Variants in LIMCH1 observed in about 807,000 individuals in gnomAD.
LIMCH1 encodes LIM and calponin homology domains 1.
In LIMCH1, 113 loss-of-function variants were observed where a neutral mutation model predicts 176.5. That is an observed-to-expected ratio of 0.64 (90% CI 0.55 to 0.75). LIMCH1 has a LOEUF of 0.75. Among genes scored for constraint, LIMCH1 ranks in the 30% least tolerant of loss-of-function variants. The pLI, the probability that LIMCH1 is intolerant of heterozygous loss-of-function variation, is 0.00. For missense variants in LIMCH1, 1,674 were observed against 1,814.9 expected (o/e 0.92, Z 1.41); for synonymous variants, 619 against 645.9 (o/e 0.96, Z 0.63).
In LIMCH1 at chr4:41,550,376, G is replaced by T. The variant is rs190312466; in HGVS notation, c.-241+12026G>T. 9.0e-4 allele frequency among the ~76,000 whole-genome samples: 136 copies of T among 151,880 alleles called. No individual in the cohort carries two copies. In the East Asian group the frequency reaches 0.019, roughly 21 times the overall value. ...CCTTTAGCTCATTTTATTCTCCTAG[G>T]TATTTAAAAAATGAGCCTTCTACTT... On this transcript the variant is annotated intron_variant, in intron 1 of 31. Transcript: ENST00000503057.
intron 3 of LIMCH1, among the ~76,000 whole-genome samples, chr4:41,604,742 C>A (rs1040035916): frequency 1.3e-5 from 2 of 152,052 alleles, no homozygotes; most frequent in African/African-American, 4.8e-5. Context: ...AATGTCCTGA[C>A]GTTTGAATCT....
At chr4:41,598,115 C>T (rs1252011113) in intron 1 of LIMCH1, among the ~76,000 whole-genome samples, 1 of 152,146 alleles carries the variant, frequency 6.6e-6, no homozygotes, top group East Asian at 1.9e-4. Context: ...AGGAAGAGAA[C>T]AGTTAGAGAC....
chr4:41,535,679 G>C (rs7694739), upstream of LIMCH1, among the ~76,000 whole-genome samples: 1 of 152,152 alleles, frequency 6.6e-6, no homozygotes, highest in Admixed American at 6.5e-5. Flanking sequence ...AATTTAGCTC[G>C]TAACAGTGGG....
intron 17 of LIMCH1, among the ~76,000 whole-genome samples, chr4:41,650,024 T>C (rs1375032019): frequency 2.0e-5 from 3 of 152,188 alleles, no homozygotes; most frequent in African/African-American, 7.2e-5. Flanking sequence ...CAGTCAAGGT[T>C]GTGGAATAGC....
intron 1 of LIMCH1, among the ~76,000 whole-genome samples, chr4:41,598,206 T>C (rs1365419233): frequency 6.6e-6 from 1 of 152,158 alleles, no homozygotes; most frequent in African/African-American, 2.4e-5. Context: ...TCAGAAGCAT[T>C]TGTTTGTACT....
intron 1 of LIMCH1, among the ~76,000 whole-genome samples, chr4:41,577,736 AT>A (rs1218537317): frequency 2.0e-5 from 3 of 152,146 alleles, no homozygotes; most frequent in Admixed American, 6.5e-5. Flanking sequence ...GCCACAAGTG[AT>A]TTTTTTTATA....
At chr4:41,421,166 T>A (rs1307837732) in intron 1 of LIMCH1, among the ~76,000 whole-genome samples, 1 of 152,182 alleles carries the variant, frequency 6.6e-6, no homozygotes, top group Non-Finnish European at 1.5e-5. Context: ...AGCAGTGAGA[T>A]CCTGGTTAAC....
In LIMCH1 at chr4:41,661,400, G is replaced by GA. The variant is rs530308078; in HGVS notation, c.3037-13dup. 1.5e-3 allele frequency: 2,250 copies of GA among 1,536,038 alleles called. 6 individuals are homozygous for GA. The highest frequency in any genetic ancestry group is 3.7e-3 in the South Asian group (323 of 88,326). On this transcript the variant is annotated intron_variant, in intron 18 of 31. Coordinates refer to ENST00000503057, the MANE Select transcript of LIMCH1 (RefSeq NM_001330672.2). ...TTAAAGGAATCATTTATTCAAGGGG[G>GA]AAAAAAATCTCTTTTTCAGGCAACC...
chr4:41,517,202 A>T (rs1449739579), intron 2 of LIMCH1, among the ~76,000 whole-genome samples: 3 of 152,116 alleles, frequency 2.0e-5, no homozygotes, highest in Non-Finnish European at 4.4e-5. Flanking sequence ...GAGAGAATGG[A>T]GAATTGTTTG....
chr4:41,590,150 T>G (rs1469662203), intron 1 of LIMCH1, among the ~76,000 whole-genome samples: 1 of 152,036 alleles, frequency 6.6e-6, no homozygotes, highest in Non-Finnish European at 1.5e-5. Context: ...TGGAGTGTAG[T>G]GGCACAATCA....
At chr4:41,507,635 A>G (rs932857104) in intron 2 of LIMCH1, among the ~76,000 whole-genome samples, 1 of 152,234 alleles carries the variant, frequency 6.6e-6, no homozygotes, top group Non-Finnish European at 1.5e-5. Flanking sequence ...ATTTCTTAAT[A>G]TAATTCACAG....
At chr4:41,481,670 C>G (rs2068656952) in intron 1 of LIMCH1, among the ~76,000 whole-genome samples, 1 of 151,238 alleles carries the variant, frequency 6.6e-6, no homozygotes, top group African/African-American at 2.4e-5. Flanking sequence ...AAAGGACAGA[C>G]CTGAAATATA....
At chr4:41,580,843 T>C (rs2085290214) in intron 1 of LIMCH1, among the ~76,000 whole-genome samples, 1 of 152,118 alleles carries the variant, frequency 6.6e-6, no homozygotes, top group Non-Finnish European at 1.5e-5. Flanking sequence ...AACCAATAAA[T>C]AGAAGATAAG....
chr4:41,642,281 G>A (rs2093854682), intron 14 of LIMCH1, among the ~76,000 whole-genome samples: 1 of 151,626 alleles, frequency 6.6e-6, no homozygotes, highest in Non-Finnish European at 1.5e-5. Context: ...CTTAAAAGAT[G>A]AACTGACTAG....
chr4:41,535,226 A>T (rs2077773732), upstream of LIMCH1, among the ~76,000 whole-genome samples: 1 of 151,534 alleles, frequency 6.6e-6, no homozygotes, highest in African/African-American at 2.4e-5. Context: ...CAATTCATTG[A>T]GATATCATAT....
At chr4:41,586,176 T>G (rs1295144787) in intron 1 of LIMCH1, among the ~76,000 whole-genome samples, 2 of 148,354 alleles carry the variant, frequency 1.3e-5, no homozygotes, top group East Asian at 4.2e-4. Flanking sequence ...TAGCGTGATC[T>G]CAGCTCACTG....
intron 31 of LIMCH1, among the ~76,000 whole-genome samples, chr4:41,695,861 T>A (rs1240108318): frequency 6.6e-6 from 1 of 152,046 alleles, no homozygotes. Flanking sequence ...TTGAGAAGTA[T>A]AAATATGCTT....
chr4:41,546,542 A>G (rs927793091), intron 1 of LIMCH1, among the ~76,000 whole-genome samples: 1 of 151,600 alleles, frequency 6.6e-6, no homozygotes, highest in African/African-American at 2.4e-5. Flanking sequence ...TTTTTTCTCA[A>G]CTTTCTTCTT....
chr4:41,524,604 TC>T, intron 3 of LIMCH1: 1 of 731,140 alleles, frequency 1.4e-6, no homozygotes. Context: ...ACGCATTGAA[TC>T]CATTAAACGA....
Sources: gnomAD v4.1 joint callset for allele counts (sites outside exome capture counted in the v4.1 genomes callset) on GRCh38, gnomAD v4.1.1 for gene constraint, MANE v1.5 for transcripts, NCBI Gene and HGNC (gene_info 2026-07-23, HGNC 2026-07-21) for gene names.